Variants in TCF4 observed in about 807,000 individuals in gnomAD.
The protein encoded by TCF4 is transcription factor 4.
A neutral mutation model predicts 82.1 loss-of-function variants in TCF4; 3 were observed. The ratio of observed to expected loss-of-function variants is 0.04; its 90% CI spans 0.02 to 0.09. The LOEUF is 0.09. TCF4 is among the 10% of genes least tolerant of loss of function. The probability of loss-of-function intolerance (pLI) is 1.00; values close to 1 mark genes in which losing one functional copy is unlikely to be tolerated. For synonymous variants in TCF4, 276 were observed against 309.6 expected (o/e 0.89, Z 1.14); for missense variants, 518 against 852.7 (o/e 0.61, Z 4.89).
chr18:55,334,938 C>T (rs879318372), intron 8 of TCF4, among the ~76,000 whole-genome samples: 5 of 152,152 alleles, frequency 3.3e-5, no homozygotes, highest in Non-Finnish European at 7.4e-5. Context: ...GAAAGTTTGG[C>T]AAATTGGTAC....
intron 5 of TCF4, among the ~76,000 whole-genome samples, chr18:55,453,240 ACC>A (rs34324781): frequency 1.3e-5 from 2 of 151,974 alleles, no homozygotes; most frequent in East Asian, 3.9e-4. Context: ...AGAAGCTGTG[ACC>A]CCCATCTTTA....
At position 55,588,158 on chromosome 18, in the gene TCF4, CG is replaced by C; in HGVS notation, c.-142del. On this transcript the variant is annotated 5_prime_UTR_variant, in exon 1 of 20. Coordinates refer to ENST00000354452, the MANE Select transcript of TCF4 (RefSeq NM_001083962.2). ...CCCGCTCCCGCGCCTGCTGCCTCCC[CG>C]CCGCCGCCGCCGCCGCCGCCACTAC... The C allele has an allele frequency of 5.8e-6, 6 of 1,034,608 alleles. No individual in the cohort carries two copies. Among genetic ancestry groups the C allele is most frequent in the Non-Finnish European group, 5.8e-6 (5 of 864,626 alleles). The allele number at this position is 1,034,608 out of a possible 1,614,324, so 64.1% of individuals were successfully genotyped here.
intron 5 of TCF4, among the ~76,000 whole-genome samples, chr18:55,432,214 A>G (rs756349057): frequency 6.6e-6 from 1 of 152,180 alleles, no homozygotes; most frequent in Non-Finnish European, 1.5e-5. Flanking sequence ...GAGGCAGCAG[A>G]ATCACTTGAA....
At chr18:55,395,184 G>A (rs907186624) in intron 6 of TCF4, among the ~76,000 whole-genome samples, 7 of 152,172 alleles carry the variant, frequency 4.6e-5, no homozygotes, top group Non-Finnish European at 1.0e-4. Flanking sequence ...CTTACAGAAG[G>A]AGGCTATAGA....
At chr18:55,580,931 T>A (rs1015363624) in intron 3 of TCF4, among the ~76,000 whole-genome samples, 1 of 151,984 alleles carries the variant, frequency 6.6e-6, no homozygotes, top group Non-Finnish European at 1.5e-5. Context: ...TAGGTTCTTG[T>A]TAGGATTTAA....
rs188956857 is a variant in TCF4 at position 55,633,598 on chromosome 18, G to A, written c.195+2105C>T. Among the ~76,000 whole-genome samples, 2 of 152,188 alleles carry A rather than the reference G, an allele frequency of 1.3e-5. No individual in the cohort carries two copies. The highest frequency in any genetic ancestry group is 3.9e-4 in the East Asian group (2 of 5,174). On this transcript the variant is annotated intron_variant, in intron 1 of 20. Coordinates refer to the TCF4 transcript ENST00000398339. The surrounding 1 kb of genome is among the most constrained non-coding windows in gnomAD (Gnocchi z 4.0). Reference sequence around the variant, plus strand: ...CATATTTTAAACCCAGAATACCTGGGGAGATACTATAGCATGAGTAAAGAA... The same window carrying A: ...CATATTTTAAACCCAGAATACCTGGAGAGATACTATAGCATGAGTAAAGAA...
chr18:55,244,305 A>G (rs775313520), intron 15 of TCF4, among the ~76,000 whole-genome samples: 15 of 152,124 alleles, frequency 9.9e-5, no homozygotes, highest in Non-Finnish European at 1.9e-4. Flanking sequence ...AGATATAGTC[A>G]GTTATGGTAC....
intron 8 of TCF4, among the ~76,000 whole-genome samples, chr18:55,338,847 G>A (rs1161546667): frequency 6.6e-6 from 1 of 152,180 alleles, no homozygotes; most frequent in Non-Finnish European, 1.5e-5. Context: ...GCATCGTCAG[G>A]TGAGGACTGC....
intron 5 of TCF4, among the ~76,000 whole-genome samples, chr18:55,444,723 T>C (rs2095496858): frequency 6.6e-6 from 1 of 152,200 alleles, no homozygotes; most frequent in African/African-American, 2.4e-5. Context: ...ATATTAATAT[T>C]GTGTGCCAAA....
intron 3 of TCF4, among the ~76,000 whole-genome samples, chr18:55,481,020 C>T (rs1273407281): frequency 6.8e-6 from 1 of 146,234 alleles, no homozygotes; most frequent in Non-Finnish European, 1.5e-5. Flanking sequence ...AGGAGAATCA[C>T]TTGAACATGG....
chr18:55,558,333 G>A (rs1355132624), intron 3 of TCF4, among the ~76,000 whole-genome samples: 2 of 152,254 alleles, frequency 1.3e-5, no homozygotes, highest in East Asian at 3.9e-4. Flanking sequence ...CCAAATCTGA[G>A]TATGTAGGAA....
chr18:55,273,237 T>C (rs762014003), intron 10 of TCF4, among the ~76,000 whole-genome samples: 4 of 152,194 alleles, frequency 2.6e-5, no homozygotes, highest in Non-Finnish European at 4.4e-5. Context: ...TTAAGCTTTA[T>C]AATTACACAT....
chr18:55,255,928 G>T (rs2056701448), intron 14 of TCF4, among the ~76,000 whole-genome samples: 1 of 152,190 alleles, frequency 6.6e-6, no homozygotes, highest in Non-Finnish European at 1.5e-5. Context: ...CTGACAGGAA[G>T]AATGTGTGTC....
intron 3 of TCF4, chr18:55,510,618 TCCC>T (rs2096817079): frequency 3.3e-6 from 5 of 1,517,026 alleles, no homozygotes; most frequent in African/African-American, 1.4e-5. Flanking sequence ...AGTAATAAAT[TCCC>T]CCAATATATC....
intron 6 of TCF4, among the ~76,000 whole-genome samples, chr18:55,376,006 T>C (rs186245707): frequency 3.3e-5 from 5 of 151,060 alleles, no homozygotes; most frequent in East Asian, 3.9e-4. Flanking sequence ...ATTTTTATTA[T>C]ATTTTCTTCT....
chr18:55,412,323 T>C (rs930971379), intron 5 of TCF4, among the ~76,000 whole-genome samples: 1 of 151,826 alleles, frequency 6.6e-6, no homozygotes, highest in African/African-American at 2.4e-5. Context: ...GGCCTTTAAA[T>C]GTGCTCATCT....
intron 5 of TCF4, among the ~76,000 whole-genome samples, chr18:55,459,936 T>C (rs981732042): frequency 6.6e-6 from 1 of 152,182 alleles, no homozygotes; most frequent in Non-Finnish European, 1.5e-5. Context: ...CTAGTATTTA[T>C]CTGCTTTGAC....
intron 8 of TCF4, among the ~76,000 whole-genome samples, chr18:55,334,852 C>T (rs2078308258): frequency 6.6e-6 from 1 of 152,098 alleles, no homozygotes; most frequent in Non-Finnish European, 1.5e-5. Context: ...TCAAAGATAC[C>T]CATTTAAATG....
intron 11 of TCF4, chr18:55,269,499 G>A (rs1426525706): frequency 2.7e-6 from 1 of 368,264 alleles, no homozygotes; most frequent in Non-Finnish European, 5.2e-6. Context: ...ATTCTGCTTT[G>A]TAGCTCACTA....
Sources: allele counts gnomAD v4.1 joint callset (sites outside exome capture counted in the v4.1 genomes callset), GRCh38; gene constraint gnomAD v4.1.1; non-coding constraint Gnocchi (gnomAD v3.1); transcripts MANE v1.5; gene names NCBI Gene and HGNC (gene_info 2026-07-23, HGNC 2026-07-21).